The following RPAP2 variants were observed in gnomAD, a reference collection of about 807,000 sequenced individuals.
RPAP2 encodes putative RNA polymerase II subunit B1 CTD phosphatase RPAP2.
RPAP2 carries 52 observed loss-of-function variants against 73.1 expected under a neutral mutation model. That is an observed-to-expected ratio of 0.71 (90% confidence interval 0.57 to 0.90). RPAP2 has a LOEUF of 0.90. Ranked by LOEUF, RPAP2 falls within the 40% of genes least tolerant of loss-of-function variation. RPAP2 has a pLI of 0.00. For synonymous variants in RPAP2, 225 were observed against 242.1 expected (o/e 0.93, Z 0.65); for missense variants, 598 against 701.8 (o/e 0.85, Z 1.67).
rs1030075198 is a variant in RPAP2 at position 92,387,105 on chromosome 1, T to C, written c.*94T>C. On this transcript the variant is annotated 3_prime_UTR_variant, in exon 13 of 13. Coordinates refer to ENST00000610020, the MANE Select transcript of RPAP2 (RefSeq NM_024813.3). ...TGGTCTGGTGGTGACTGATAACTAG[T>C]TTTATTCCAAGACATACCTTTACCT... 17 of 1,300,078 alleles carry C rather than the reference T, an allele frequency of 1.3e-5. No homozygotes were observed. Among genetic ancestry groups the C allele is most frequent in the African/African-American group, 8.9e-5 (6 of 67,544 alleles). The allele number at this position is 1,300,078 out of a possible 1,614,324, so 80.5% of individuals were successfully genotyped here. A position where few individuals can be genotyped will look rare whatever the true frequency, so the allele number is the denominator to read the frequency against.
At chr1:92,306,589 C>T (rs751449691) in intron 5 of RPAP2, among the ~76,000 whole-genome samples, 17 of 152,020 alleles carry the variant, frequency 1.1e-4, no homozygotes, top group African/African-American at 2.2e-4. Context: ...TGGCTAGGTA[C>T]GGTGGCTCAC....
At position 92,324,366 on chromosome 1, in the gene RPAP2, C is replaced by T. The variant is rs1465555276; in HGVS notation, c.1446C>T (p.Asp482=). The T allele has an allele frequency of 6.2e-7, 1 of 1,611,304 alleles. No individual in the cohort carries two copies. The highest frequency in any genetic ancestry group is 1.3e-5 in the African/African-American group (1 of 74,772). ...VLGEETTKSQ[D]SEEHDSTFPL... Reference sequence around the variant, plus strand: ...GTGAAGAAACCACCAAATCACAAGACTCAGAAGAGGTATGTCTTACAGACA... The same window carrying T: ...GTGAAGAAACCACCAAATCACAAGATTCAGAAGAGGTATGTCTTACAGACA... The change falls in exon 8 of 13, where the codon GAC becomes GAT. Residue 482 remains aspartate, a synonymous_variant. Transcript: ENST00000610020.
At chr1:92,299,289 C>A in intron 1 of RPAP2, 143 bp downstream of exon 1, 1 of 457,666 alleles carries the variant, frequency 2.2e-6, no homozygotes, top group Non-Finnish European at 4.0e-6. Flanking sequence ...AAGCTTCCCA[C>A]CGCCGTCCGC....
intron 8 of RPAP2, among the ~76,000 whole-genome samples, chr1:92,328,023 G>C (rs1005998599): frequency 6.6e-6 from 1 of 152,192 alleles, no homozygotes; most frequent in Admixed American, 6.5e-5. Flanking sequence ...TGAGAAATCT[G>C]CTGTTAATCT....
At chr1:92,381,060 G>A (rs1571149862) in intron 12 of RPAP2, among the ~76,000 whole-genome samples, 187 bp downstream of exon 12, 2 of 151,992 alleles carry the variant, frequency 1.3e-5, no homozygotes, top group East Asian at 3.9e-4. Flanking sequence ...CTTACTTTGT[G>A]CCCCATATTT....
intron 11 of RPAP2, chr1:92,363,694 TCTC>T (rs1482674968): frequency 1.2e-4 from 35 of 302,978 alleles, no homozygotes; most frequent in South Asian, 2.0e-4. Flanking sequence ...CACTTCTCTT[TCTC>T]CTCCTCCTCA....
In RPAP2 at chr1:92,323,946, C is replaced by T. The variant is rs1557601411; in HGVS notation, c.1026C>T (p.Ala342=). The T allele has an allele frequency of 6.2e-7, 1 of 1,613,958 alleles. No homozygotes were observed. The highest frequency in any genetic ancestry group is 1.7e-5 in the Admixed American group (1 of 59,988). Residue 342 remains alanine, a synonymous_variant, in exon 8 of 13, where the codon GCC becomes GCT. Coordinates refer to ENST00000610020, the MANE Select transcript of RPAP2 (RefSeq NM_024813.3). ...KSAEHFKRKF[A]KSNQVSRSVS... is the part of the protein sequence containing the mutation. ...CAGAGCATTTTAAGAGAAAATTTGC[C>T]AAATCAAACCAAGTGTCTAGGTCAG...
rs36067595 is a variant in RPAP2 at position 92,302,590 on chromosome 1, ATTTTTTTT to A, written c.234+1022_234+1029del. ...ACGGGAGAATTAAATTCCGCATTAAATTTTTTTTTTTTTTTTTTTTTTTTTTTTTGAGA... is the reference window on the plus strand; with the variant it reads ...ACGGGAGAATTAAATTCCGCATTAAATTTTTTTTTTTTTTTTTTTTTGAGA... On this transcript the variant is annotated intron_variant, in intron 3 of 12. Transcript: ENST00000610020. 3.4e-3 allele frequency among the ~76,000 whole-genome samples: 256 copies of A among 74,332 alleles called. 2 individuals carry two copies. The highest frequency in any genetic ancestry group is 0.026 in the Middle Eastern group (2 of 76). The allele number at this position is 74,332 out of a possible 152,430, so 48.8% of individuals were successfully genotyped here.
At chr1:92,315,153 A>C (rs1651836224) in intron 6 of RPAP2, among the ~76,000 whole-genome samples, 1 of 152,184 alleles carries the variant, frequency 6.6e-6, no homozygotes, top group Non-Finnish European at 1.5e-5. Flanking sequence ...ATTCAATGTC[A>C]GTGAGTCTTC....
At position 92,367,841 on chromosome 1, in the gene RPAP2, A is replaced by G. The variant is rs573399910; in HGVS notation, c.1689-12883A>G. On this transcript the variant is annotated intron_variant, in intron 11 of 12. Coordinates refer to ENST00000610020, the MANE Select transcript of RPAP2 (RefSeq NM_024813.3). ...GAGGAGTGTTGTTCCGTGTCATTTT[A>G]TAACTGCCTACTCGTTTGATTTTGC... 2.6e-5 allele frequency among the ~76,000 whole-genome samples: 4 copies of G among 152,346 alleles called. No individual in the cohort carries two copies. The South Asian group carries it at 6.2e-4, about 24-fold the overall frequency.
intron 11 of RPAP2, among the ~76,000 whole-genome samples, chr1:92,363,532 C>T (rs1654812497): frequency 6.6e-6 from 1 of 152,136 alleles, no homozygotes; most frequent in Non-Finnish European, 1.5e-5. Context: ...GTATGAGGTT[C>T]TCTTCTAAGA....
At chr1:92,302,758 C>T (rs1288523794) in intron 3 of RPAP2, among the ~76,000 whole-genome samples, 2 of 151,678 alleles carry the variant, frequency 1.3e-5, no homozygotes, top group East Asian at 1.9e-4. Context: ...CACCATTACG[C>T]CCGGCTAATT....
At position 92,389,911 on chromosome 1, in the gene RPAP2, A is replaced by G. The variant is rs1356095784; in HGVS notation, c.*2900A>G. On this transcript the variant is annotated 3_prime_UTR_variant, in exon 13 of 13. Coordinates refer to ENST00000610020, the MANE Select transcript of RPAP2 (RefSeq NM_024813.3). ...GAGACTATGTGAAAAGACCAAATCT[A>G]TGTTTGATTGGTGTACCTGAAAGTG... The G allele has an allele frequency of 1.3e-5, 2 of 152,238 alleles. No homozygotes were observed. The highest frequency in any genetic ancestry group is 2.4e-5 in the African/African-American group (1 of 41,464). The allele number at this position is 152,238 out of a possible 1,614,324, so 9.4% of individuals were successfully genotyped here.
chr1:92,331,152 A>T (rs1652939210), intron 8 of RPAP2, among the ~76,000 whole-genome samples: 1 of 152,202 alleles, frequency 6.6e-6, no homozygotes, highest in Non-Finnish European at 1.5e-5. Flanking sequence ...TAAATGTAAA[A>T]TTGTTATGTC....
At chr1:92,355,823 T>C (rs992677476) in intron 11 of RPAP2, among the ~76,000 whole-genome samples, 2 of 152,182 alleles carry the variant, frequency 1.3e-5, no homozygotes, top group African/African-American at 4.8e-5. Context: ...AACCGGTAAG[T>C]ATAATGCAAG....
rs1302654325 is a variant in RPAP2 at position 92,392,924 on chromosome 1, C to T, written c.*5913C>T. The stretch of plus-strand genomic sequence containing the variant: ...TGTTGCCCAAACTGATTTATAGATT[C>T]AATGCTATCCCCATCAAGCTACCAC... On this transcript the variant is annotated 3_prime_UTR_variant, in exon 13 of 13. Transcript: ENST00000610020. 6.6e-6 allele frequency: 1 copy of T among 152,142 alleles called. No individual in the cohort carries two copies. The highest frequency in any genetic ancestry group is 1.5e-5 in the Non-Finnish European group (1 of 68,030). 9.4% of individuals were successfully genotyped at this position (152,142 alleles called of 1,614,324 possible).
At chr1:92,378,155 T>G (rs1655470608) in intron 11 of RPAP2, among the ~76,000 whole-genome samples, 1 of 152,228 alleles carries the variant, frequency 6.6e-6, no homozygotes, top group Non-Finnish European at 1.5e-5. Context: ...GAAGTCGTTT[T>G]GGATGTGTCA....
intron 8 of RPAP2, among the ~76,000 whole-genome samples, chr1:92,329,339 T>G (rs2101207634): frequency 1.3e-5 from 2 of 152,292 alleles, no homozygotes; most frequent in South Asian, 4.1e-4. Context: ...TATGGCTGAC[T>G]CTGCTGCATC....
chr1:92,374,209 C>CATGA (rs1655295132), intron 11 of RPAP2, among the ~76,000 whole-genome samples: 1 of 152,060 alleles, frequency 6.6e-6, no homozygotes, highest in South Asian at 2.1e-4. Flanking sequence ...GGAGAAAAAC[C>CATGA]ATGACTAAGA....
Sources: allele counts gnomAD v4.1 joint callset (sites outside exome capture counted in the v4.1 genomes callset), GRCh38; gene constraint gnomAD v4.1.1; transcripts MANE v1.5; gene names NCBI Gene and HGNC (gene_info 2026-07-23, HGNC 2026-07-21).